ITGB3BP: variants seen among roughly 807,000 people sequenced by gnomAD.
ITGB3BP encodes integrin subunit beta 3 binding protein.
ITGB3BP carries 27 observed loss-of-function variants against 29.1 expected under a neutral mutation model. The ratio of observed to expected loss-of-function variants is 0.93; its 90% CI spans 0.68 to 1.28. ITGB3BP has a LOEUF of 1.28. Ranked by LOEUF, ITGB3BP falls within the 50% of genes most tolerant of loss-of-function variation. The probability of loss-of-function intolerance (pLI) is 0.00; values close to 1 mark genes in which losing one functional copy is unlikely to be tolerated. For missense variants in ITGB3BP, 192 were observed against 200.2 expected, an observed-to-expected ratio of 0.96 and a Z score of 0.25; for synonymous variants, 61 against 61.4, an observed-to-expected ratio of 0.99 and a Z score of 0.03.
intron 1 of ITGB3BP, among the ~76,000 whole-genome samples, chr1:63,522,602 T>C (rs1646479582): frequency 6.6e-6 from 1 of 152,080 alleles, no homozygotes; most frequent in Admixed American, 6.5e-5. Context: ...TGGTCATAGA[T>C]GGGAATTTAG....
intron 2 of ITGB3BP, among the ~76,000 whole-genome samples, chr1:63,496,603 G>C (rs1337113022): frequency 4.6e-5 from 7 of 152,112 alleles, no homozygotes; most frequent in African/African-American, 1.7e-4. Context: ...AGCTGCTCCA[G>C]GTCTGCAAAG....
At chr1:63,476,011 A>T (rs1295680626) in intron 4 of ITGB3BP, among the ~76,000 whole-genome samples, 1 of 151,448 alleles carries the variant, frequency 6.6e-6, no homozygotes, top group East Asian at 1.9e-4. Flanking sequence ...AAAAAAAAAA[A>T]AAAGAAACGT....
At chr1:63,465,913 C>T (rs1256999114) in intron 4 of ITGB3BP, among the ~76,000 whole-genome samples, 10 of 151,166 alleles carry the variant, frequency 6.6e-5, no homozygotes, top group African/African-American at 2.2e-4. Context: ...GATTGGAAAC[C>T]ATCAACTTGT....
intron 3 of ITGB3BP, among the ~76,000 whole-genome samples, chr1:63,486,024 C>G (rs1454649207): frequency 6.6e-6 from 1 of 152,040 alleles, no homozygotes; most frequent in Admixed American, 6.6e-5. Flanking sequence ...ATGGACCATT[C>G]TCTGTATTTC....
At chr1:63,509,267 T>C (rs1457822330) in intron 1 of ITGB3BP, among the ~76,000 whole-genome samples, 1 of 152,232 alleles carries the variant, frequency 6.6e-6, no homozygotes, top group Non-Finnish European at 1.5e-5. Context: ...TTTATAATAC[T>C]TTATTTCATA....
chr1:63,509,919 G>A (rs1394959905), intron 1 of ITGB3BP: 21 of 381,390 alleles, frequency 5.5e-5, no homozygotes, highest in African/African-American at 2.5e-4. Flanking sequence ...TACACCAGGC[G>A]TGGTGGCTCG....
intron 1 of ITGB3BP, 39 bp from the exon 2 acceptor site, chr1:63,508,609 C>T (rs369397359): frequency 6.5e-5 from 61 of 944,702 alleles, no homozygotes; most frequent in Middle Eastern, 2.2e-4. Context: ...AGATTTGACA[C>T]GCTTTATTTA....
At chr1:63,446,617 A>G in intron 8 of ITGB3BP, 189 bp downstream of exon 8, 1 of 573,104 alleles carries the variant, frequency 1.7e-6, no homozygotes, top group Non-Finnish European at 3.2e-6. Context: ...CCTCTAACTG[A>G]TGTCAGATGC....
At position 63,478,804 on chromosome 1, in the gene ITGB3BP, A is replaced by T. The variant is rs766751992; in HGVS notation, c.214T>A (p.Leu72Ile). The stretch of plus-strand genomic sequence containing the variant: ...GTTGTAGATTCTTTGCTTTCAGTTA[A>T]ACTGGGGTGATTCAATTTTTTTCTC... ...EKRKKLNHPS[L>I]TESKESTTKD... Residue 72 changes from leucine to isoleucine, a missense_variant, in exon 4 of 9, where the codon TTA (leucine) becomes ATA (isoleucine). Leu to Ile is a conservative substitution (Grantham distance 5, BLOSUM62 2). Coordinates refer to ENST00000271002, the MANE Select transcript of ITGB3BP (RefSeq NM_014288.5). The T allele has an allele frequency of 4.1e-6, 6 of 1,451,256 alleles. No homozygotes were observed. In the Admixed American group the frequency reaches 7.1e-5, roughly 17 times the overall value. The allele number at this position is 1,451,256 out of a possible 1,614,324, so 89.9% of individuals were successfully genotyped here. A position where few individuals can be genotyped will look rare whatever the true frequency, so the allele number is the denominator to read the frequency against.
chr1:63,501,211 A>G (rs1240817499), intron 2 of ITGB3BP, among the ~76,000 whole-genome samples: 1 of 152,260 alleles, frequency 6.6e-6, no homozygotes, highest in Non-Finnish European at 1.5e-5. Flanking sequence ...GAAGACCTAA[A>G]TGAAAGAGTT....
intron 2 of ITGB3BP, among the ~76,000 whole-genome samples, chr1:63,507,026 A>G (rs1331595220): frequency 6.6e-6 from 1 of 152,184 alleles, no homozygotes; most frequent in Non-Finnish European, 1.5e-5. Context: ...CCATGGAGAG[A>G]AGCCCAGACT....
Position 63,478,756 on chromosome 1 carries a change from A to C in ITGB3BP, c.254+8T>G, listed in dbSNP as rs1645385605. 7.4e-7 allele frequency: 1 copy of C among 1,351,280 alleles called. No individual in the cohort carries two copies. The highest frequency in any genetic ancestry group is 1.5e-5 in the African/African-American group (1 of 66,416). 83.7% of individuals were successfully genotyped at this position (1,351,280 alleles called of 1,614,324 possible). A position where few individuals can be genotyped will look rare whatever the true frequency, so the allele number is the denominator to read the frequency against. On this transcript the variant is annotated splice_region_variant and intron_variant, in intron 4 of 8. Coordinates refer to ENST00000271002, the MANE Select transcript of ITGB3BP (RefSeq NM_014288.5). ...ACACATATATAATTTCAAAAATAAC[A>C]AACTTACTCATCATTGTCTTTTGTT...
chr1:63,508,622 G>T, intron 1 of ITGB3BP, 52 bp from the exon 2 acceptor site: 1 of 802,384 alleles, frequency 1.2e-6, no homozygotes, highest in Non-Finnish European at 2.0e-6. Context: ...TTTATTTAAA[G>T]TAGCCCAATA....
chr1:63,447,919 G>C, intron 7 of ITGB3BP: 1 of 207,522 alleles, frequency 4.8e-6, no homozygotes, highest in African/African-American at 2.3e-5. Flanking sequence ...GCAAAGACTT[G>C]GAACCAACCC....
At position 63,523,175 on chromosome 1, in the gene ITGB3BP, A is replaced by C. The variant is rs1570356549; in HGVS notation, c.-42T>G. ...GCACCACTGCCGCTGAATAAAACGAACCCAGCAACTTCCGAAAACAGAAAA... is the reference window on the plus strand; with the variant it reads ...GCACCACTGCCGCTGAATAAAACGACCCCAGCAACTTCCGAAAACAGAAAA... On this transcript the variant is annotated 5_prime_UTR_variant, in exon 1 of 9. Coordinates refer to ENST00000271002, the MANE Select transcript of ITGB3BP (RefSeq NM_014288.5). The C allele has an allele frequency of 6.2e-7, 1 of 1,613,460 alleles. No individual in the cohort carries two copies. The highest frequency in any genetic ancestry group is 8.5e-7 in the Non-Finnish European group (1 of 1,179,892).
chr1:63,496,273 T>C (rs530724658), intron 2 of ITGB3BP, among the ~76,000 whole-genome samples: 31 of 152,052 alleles, frequency 2.0e-4, no homozygotes. Context: ...TTTGTACTTT[T>C]GGTAGAGACA....
intron 2 of ITGB3BP, 43 bp from the exon 3 acceptor site, chr1:63,490,261 G>C: frequency 1.5e-6 from 2 of 1,370,916 alleles, no homozygotes; most frequent in Non-Finnish European, 2.0e-6. Flanking sequence ...GCTATGTTTA[G>C]TTATAGATCT....
In ITGB3BP at chr1:63,488,442, T is replaced by A. The variant is rs185670923; in HGVS notation, c.184+1641A>T. On this transcript the variant is annotated intron_variant, in intron 3 of 8. Coordinates refer to ENST00000271002, the MANE Select transcript of ITGB3BP (RefSeq NM_014288.5). The stretch of plus-strand genomic sequence containing the variant: ...ACCAAAAATGTCCTTGAAAATGTAA[T>A]TTAAATTTTATATTATGTTTTGTAT... Among the ~76,000 whole-genome samples, 12 of 152,116 alleles carry A rather than the reference T, an allele frequency of 7.9e-5. No homozygotes were observed. The South Asian group carries it at 1.2e-3, about 16-fold the overall frequency.
chr1:63,466,620 AT>A (rs1645104676), intron 4 of ITGB3BP, among the ~76,000 whole-genome samples: 1 of 152,254 alleles, frequency 6.6e-6, no homozygotes, highest in South Asian at 2.1e-4. Flanking sequence ...ACACTGACAT[AT>A]AATTCCCTAA....
Sources: allele counts gnomAD v4.1 joint callset (sites outside exome capture counted in the v4.1 genomes callset), GRCh38; gene constraint gnomAD v4.1.1; transcripts MANE v1.5; gene names NCBI Gene and HGNC (gene_info 2026-07-23, HGNC 2026-07-21).